TRPM7: variants seen among roughly 807,000 people sequenced by gnomAD.
The protein encoded by TRPM7 is LTRPC ion channel family member 7.
TRPM7 carries 134 observed loss-of-function variants against 229.7 expected under a neutral mutation model. The ratio of observed to expected loss-of-function variants is 0.58; its 90% CI spans 0.51 to 0.67. The LOEUF (loss-of-function observed/expected upper bound fraction) is 0.67, where lower values mean the gene tolerates loss of function less well. Ranked by LOEUF, TRPM7 falls within the 30% of genes least tolerant of loss-of-function variation. The pLI, the probability that TRPM7 is intolerant of heterozygous loss-of-function variation, is 0.00. For missense variants in TRPM7, 1,901 were observed against 2,210.0 expected, an observed-to-expected ratio of 0.86 and a Z score of 2.80; for synonymous variants, 699 against 715.2, an observed-to-expected ratio of 0.98 and a Z score of 0.36.
At chr15:50,611,543 T>A (rs1398931694) in intron 16 of TRPM7, among the ~76,000 whole-genome samples, 1 of 152,162 alleles carries the variant, frequency 6.6e-6, no homozygotes, top group Non-Finnish European at 1.5e-5. Flanking sequence ...AGAAGGTGAA[T>A]CCAGAGCACA....
Position 50,643,457 on chromosome 15 carries a change from G to A in TRPM7, c.418C>T (p.His140Tyr), listed in dbSNP as rs1338429037. ...MELPKLVISV[H>Y]GGMQKFELHP... ...AGCTCAAATTTCTGCATGCCCCCATGTACAGAGATAACAAGTTTGGGTAAC... is the reference window on the plus strand; with the variant it reads ...AGCTCAAATTTCTGCATGCCCCCATATACAGAGATAACAAGTTTGGGTAAC... The change falls in exon 5 of 39, where the codon CAT (histidine) becomes TAT (tyrosine). Residue 140 changes from histidine (H) to tyrosine (Y), a missense_variant. His to Tyr is a moderately conservative substitution (Grantham distance 83). Coordinates refer to ENST00000646667, the MANE Select transcript of TRPM7 (RefSeq NM_017672.6). The A allele has an allele frequency of 2.5e-6, 4 of 1,614,024 alleles. No individual in the cohort carries two copies. In the African/African-American group the frequency reaches 4.0e-5, roughly 16 times the overall value.
In TRPM7 at chr15:50,558,227, G is replaced by A. The variant is rs911231103; in HGVS notation, c.*3451C>T. ...AACCACCAATGGTCATCATGCTTGA[G>A]AGTCAATACAGCACATAATTCACAG... On this transcript the variant is annotated 3_prime_UTR_variant, in exon 39 of 39. Coordinates refer to ENST00000646667, the MANE Select transcript of TRPM7 (RefSeq NM_017672.6). 6.6e-6 allele frequency: 1 copy of A among 152,124 alleles called. No homozygotes were observed. The highest frequency in any genetic ancestry group is 1.5e-5 in the Non-Finnish European group (1 of 68,022). The allele number at this position is 152,124 out of a possible 1,614,324, so 9.4% of individuals were successfully genotyped here. A position where few individuals can be genotyped will look rare whatever the true frequency, so the allele number is the denominator to read the frequency against.
At chr15:50,630,498 G>C (rs1415156273) in intron 10 of TRPM7, among the ~76,000 whole-genome samples, 2 of 151,338 alleles carry the variant, frequency 1.3e-5, no homozygotes, top group Non-Finnish European at 3.0e-5. Flanking sequence ...GATGTCTTTG[G>C]GGAGACAATA....
chr15:50,673,393 A>T (rs539467535), intron 1 of TRPM7, among the ~76,000 whole-genome samples: 4 of 152,130 alleles, frequency 2.6e-5, no homozygotes, highest in African/African-American at 9.6e-5. Flanking sequence ...ACTGCACCCT[A>T]TTTGTAGTCT....
intron 10 of TRPM7, among the ~76,000 whole-genome samples, chr15:50,630,019 C>T (rs1362136135): frequency 6.6e-6 from 1 of 151,738 alleles, no homozygotes; most frequent in Non-Finnish European, 1.5e-5. Context: ...CCACCACCAC[C>T]CCCAGCTAAT....
chr15:50,578,684 T>C lies in TRPM7; in HGVS notation c.4593-20A>G. The C allele has an allele frequency of 6.2e-7, 1 of 1,603,456 alleles. No individual in the cohort carries two copies. Among genetic ancestry groups the C allele is most frequent in the Non-Finnish European group, 8.5e-7 (1 of 1,173,018 alleles). On this transcript the variant is annotated intron_variant, in intron 30 of 38. Coordinates refer to ENST00000646667, the MANE Select transcript of TRPM7 (RefSeq NM_017672.6). ...GATGGCCTAAAGAAACACCAAAAAA[T>C]ATAGTATAAGCTGTGCTATGATTTA...
At chr15:50,578,219 A>C (rs1231380305) in intron 31 of TRPM7, among the ~76,000 whole-genome samples, 1 of 152,222 alleles carries the variant, frequency 6.6e-6, no homozygotes, top group African/African-American at 2.4e-5. Context: ...TGACAAAGTA[A>C]TGGTCTAAGC....
At chr15:50,599,867 C>T (rs3848129) in intron 21 of TRPM7, among the ~76,000 whole-genome samples, 57,692 of 152,036 alleles carry the variant, frequency 0.38, 11,552 homozygotes, top group Admixed American at 0.49. Context: ...AACTAAAAGA[C>T]ACCAATGTCT....
chr15:50,617,296 A>G (rs977201848), intron 13 of TRPM7, among the ~76,000 whole-genome samples: 1 of 150,870 alleles, frequency 6.6e-6, no homozygotes, highest in Non-Finnish European at 1.5e-5. Flanking sequence ...AATCGCGCCA[A>G]CTGCACTACA....
intron 13 of TRPM7, 38 bp from the exon 14 acceptor site, chr15:50,614,301 C>G (rs2163098): frequency 0.033 from 51,615 of 1,545,672 alleles, 1,065 homozygotes; most frequent in Middle Eastern, 0.08. Flanking sequence ...GATCAGATAG[C>G]ACTTCTCAAT....
intron 28 of TRPM7, among the ~76,000 whole-genome samples, chr15:50,584,206 A>C (rs2054569861): frequency 6.6e-6 from 1 of 152,226 alleles, no homozygotes; most frequent in Non-Finnish European, 1.5e-5. Context: ...AGAATGAAGA[A>C]AGGAAAATCT....
chr15:50,651,068 T>C (rs2061408618), intron 3 of TRPM7, among the ~76,000 whole-genome samples: 2 of 152,020 alleles, frequency 1.3e-5, no homozygotes, highest in South Asian at 4.1e-4. Context: ...ACGCCTGTAG[T>C]CCAAGCTACT....
At chr15:50,570,886 G>C (rs1214093174) in intron 36 of TRPM7, among the ~76,000 whole-genome samples, 1 of 151,052 alleles carries the variant, frequency 6.6e-6, no homozygotes, top group African/African-American at 2.4e-5. Flanking sequence ...CAAAAAACAA[G>C]TGTTTGGGAT....
rs563778387 is a variant in TRPM7 at position 50,557,433 on chromosome 15, A to C, written c.*4245T>G. On this transcript the variant is annotated 3_prime_UTR_variant, in exon 39 of 39. Coordinates refer to ENST00000646667, the MANE Select transcript of TRPM7 (RefSeq NM_017672.6). Reference sequence around the variant, plus strand: ...GGTAGACTGCTAGCTACTAACTATGAAAACAACATAGTCTGACTTGAGAGT... The same window carrying C: ...GGTAGACTGCTAGCTACTAACTATGCAAACAACATAGTCTGACTTGAGAGT... 6.6e-6 allele frequency: 1 copy of C among 152,316 alleles called. No individual in the cohort carries two copies. The highest frequency in any genetic ancestry group is 1.9e-4 in the East Asian group (1 of 5,186). 9.4% of individuals were successfully genotyped at this position (152,316 alleles called of 1,614,324 possible). A position where few individuals can be genotyped will look rare whatever the true frequency, so the allele number is the denominator to read the frequency against.
At chr15:50,679,531 TATA>T (rs1262954605) in intron 1 of TRPM7, among the ~76,000 whole-genome samples, 1,258 of 53,272 alleles carry the variant, frequency 0.024, 28 homozygotes, top group Middle Eastern at 0.077. Flanking sequence ...TATATATATA[TATA>T]TATATTTTTT....
At chr15:50,611,998 C>T (rs2060074102) in intron 16 of TRPM7, among the ~76,000 whole-genome samples, 1 of 152,252 alleles carries the variant, frequency 6.6e-6, no homozygotes, top group East Asian at 1.9e-4. Context: ...TCTTATAACA[C>T]AGCTCCAACT....
chr15:50,683,647 G>C (rs535927873), intron 1 of TRPM7, among the ~76,000 whole-genome samples: 7 of 152,032 alleles, frequency 4.6e-5, no homozygotes, highest in African/African-American at 1.7e-4. Flanking sequence ...CAGCAGAATC[G>C]CTTGAACCAG....
Position 50,631,312 on chromosome 15 carries a change from TA to T in TRPM7, c.1204+104del, listed in dbSNP as rs1320706104. ...TCACTTTGCAAGCATTTAGCCATGG[TA>T]AAAGGTTTTATATTTTATATACATA... On this transcript the variant is annotated intron_variant, in intron 10 of 38. Coordinates refer to ENST00000646667, the MANE Select transcript of TRPM7 (RefSeq NM_017672.6). 1.5e-4 allele frequency: 74 copies of T among 496,586 alleles called. No individual in the cohort carries two copies. The Middle Eastern group carries it at 3.0e-3, about 20-fold the overall frequency. The allele number at this position is 496,586 out of a possible 1,614,324, so 30.8% of individuals were successfully genotyped here.
chr15:50,645,420 G>A (rs893614266), intron 4 of TRPM7, among the ~76,000 whole-genome samples: 10 of 152,040 alleles, frequency 6.6e-5, no homozygotes, highest in South Asian at 2.1e-4. Flanking sequence ...AATGCCTCCC[G>A]GGTTCAAGAG....
Sources: gnomAD v4.1 joint callset for allele counts (sites outside exome capture counted in the v4.1 genomes callset) on GRCh38, gnomAD v4.1.1 for gene constraint, MANE v1.5 for transcripts, NCBI Gene and HGNC (gene_info 2026-07-23, HGNC 2026-07-21) for gene names.